Variants in DYNC2LI1 observed in about 807,000 individuals in gnomAD.
DYNC2LI1 encodes dynein cytoplasmic 2 light intermediate chain 1.
Under a neutral mutation model 51.9 loss-of-function variants are expected in DYNC2LI1, and 45 were observed. That is an observed-to-expected ratio of 0.87 (90% CI 0.68 to 1.11). The LOEUF (loss-of-function observed/expected upper bound fraction) is 1.11, where lower values mean the gene tolerates loss of function less well. Among genes scored for constraint, DYNC2LI1 ranks in the 50% most tolerant of loss-of-function variants. DYNC2LI1 has a pLI of 0.00. For synonymous variants in DYNC2LI1, 130 were observed against 137.8 expected (o/e 0.94, Z 0.40); for missense variants, 490 against 417.4 (o/e 1.17, Z -1.51).
chr2:43,781,263 G>T (rs991206893), intron 2 of DYNC2LI1, among the ~76,000 whole-genome samples: 1 of 151,848 alleles, frequency 6.6e-6, no homozygotes, highest in African/African-American at 2.4e-5. Context: ...CAGCTACTCC[G>T]GAGGCTGAGG....
At chr2:43,815,036 C>A in the DYNC2LI1 span, among the ~76,000 whole-genome samples, 5 of 152,108 alleles carry the variant, frequency 3.3e-5, no homozygotes, top group Admixed American at 2.6e-4. Flanking sequence ...GTAAGCACTA[C>A]TGATATAAAC....
the DYNC2LI1 span, among the ~76,000 whole-genome samples, chr2:43,825,913 A>G: frequency 1.3e-5 from 2 of 152,092 alleles, no homozygotes; most frequent in Admixed American, 1.3e-4. Flanking sequence ...GAAAGAAGTG[A>G]GTTTTCATCC....
chr2:43,825,139 T>C, the DYNC2LI1 span: 5 of 1,221,684 alleles, frequency 4.1e-6, no homozygotes, highest in African/African-American at 1.5e-5. Context: ...CAAGTCCTTA[T>C]GGGAAATGCA....
intron 3 of DYNC2LI1, among the ~76,000 whole-genome samples, chr2:43,786,001 A>G (rs1297087429): frequency 6.6e-6 from 1 of 152,166 alleles, no homozygotes; most frequent in Non-Finnish European, 1.5e-5. Context: ...TTAAATATAT[A>G]TACACCATAA....
At chr2:43,808,141 C>T (rs1012204925) in intron 12 of DYNC2LI1, among the ~76,000 whole-genome samples, 1 of 151,516 alleles carries the variant, frequency 6.6e-6, no homozygotes, top group Non-Finnish European at 1.5e-5. Flanking sequence ...TCTTTAAAAC[C>T]GCAAGTGGTA....
chr2:43,783,586 T>A, intron 3 of DYNC2LI1, 32 bp downstream of exon 3: 1 of 1,428,396 alleles, frequency 7.0e-7, no homozygotes, highest in South Asian at 1.4e-5. Context: ...AAACTATATT[T>A]ATGCTTATTC....
the DYNC2LI1 span, among the ~76,000 whole-genome samples, chr2:43,826,166 CTT>C: frequency 2.2e-4 from 31 of 141,812 alleles, no homozygotes; most frequent in Non-Finnish European, 2.0e-4. Flanking sequence ...TTCTTTCTTT[CTT>C]TTTTTTTTTT....
intron 3 of DYNC2LI1, among the ~76,000 whole-genome samples, chr2:43,784,186 C>G (rs923434946): frequency 1.3e-5 from 2 of 152,164 alleles, no homozygotes; most frequent in African/African-American, 4.8e-5. Context: ...AGAAACATCA[C>G]TCATTTGAAA....
At chr2:43,775,691 T>TA (rs1175876397) in intron 1 of DYNC2LI1, 53 of 392,670 alleles carry the variant, frequency 1.3e-4, no homozygotes, top group African/African-American at 1.1e-3. Flanking sequence ...TTTTTTATTT[T>TA]CTTTTTTTTT....
the DYNC2LI1 span, among the ~76,000 whole-genome samples, chr2:43,822,213 ACT>A: frequency 2.6e-5 from 4 of 151,682 alleles, no homozygotes; most frequent in African/African-American, 4.9e-5. Context: ...CACCCCCATG[ACT>A]CTACCGAAGC....
At chr2:43,826,329 G>A in the DYNC2LI1 span, 1 of 1,612,042 alleles carries the variant, frequency 6.2e-7, no homozygotes, top group African/African-American at 1.3e-5. Context: ...CTGCCCCTGT[G>A]ATTCCCAGCT....
downstream of DYNC2LI1, chr2:43,813,139 T>G: frequency 7.2e-7 from 1 of 1,387,054 alleles, no homozygotes; most frequent in Middle Eastern, 1.8e-4. Flanking sequence ...AGATGATCCC[T>G]TATTTTGAAA....
At chr2:43,820,294 T>G in the DYNC2LI1 span, among the ~76,000 whole-genome samples, 1 of 152,234 alleles carries the variant, frequency 6.6e-6, no homozygotes, top group African/African-American at 2.4e-5. Flanking sequence ...ATTGTTCCCA[T>G]TGGCTGCAAC....
At chr2:43,825,080 C>T in the DYNC2LI1 span, 4 of 1,594,982 alleles carry the variant, frequency 2.5e-6, no homozygotes, top group Admixed American at 6.9e-5. Context: ...CTTTGAATGT[C>T]TCTGGGAACA....
chr2:43,784,562 C>A (rs893560453), intron 3 of DYNC2LI1, among the ~76,000 whole-genome samples: 4 of 152,056 alleles, frequency 2.6e-5, no homozygotes, highest in African/African-American at 9.7e-5. Flanking sequence ...GCCTCAGCCT[C>A]CCGCTGGGAT....
intron 5 of DYNC2LI1, among the ~76,000 whole-genome samples, chr2:43,791,418 G>A (rs979954947): frequency 6.6e-6 from 1 of 152,130 alleles, no homozygotes; most frequent in Non-Finnish European, 1.5e-5. Context: ...GAAATTCTAG[G>A]TTCTGCAGGA....
At chr2:43,797,454 T>A (rs781395667) in intron 8 of DYNC2LI1, among the ~76,000 whole-genome samples, 1 of 152,022 alleles carries the variant, frequency 6.6e-6, no homozygotes, top group African/African-American at 2.4e-5. Flanking sequence ...ACTGTTATCA[T>A]TATCTCCCAT....
At chr2:43,822,680 G>C in the DYNC2LI1 span, 4 of 1,565,798 alleles carry the variant, frequency 2.6e-6, no homozygotes, top group Non-Finnish European at 3.5e-6. Flanking sequence ...ACACTGATGG[G>C]CAAAGTGTAG....
At chr2:43,822,725 T>C in the DYNC2LI1 span, 4 of 1,608,544 alleles carry the variant, frequency 2.5e-6, no homozygotes, top group African/African-American at 1.3e-5. Context: ...CCTGGAGCTC[T>C]CCCTGCACGA....
Sources: gnomAD v4.1 joint callset for allele counts (sites outside exome capture counted in the v4.1 genomes callset) on GRCh38, gnomAD v4.1.1 for gene constraint, MANE v1.5 for transcripts, NCBI Gene and HGNC (gene_info 2026-07-23, HGNC 2026-07-21) for gene names.